The following PIGN variants were observed in gnomAD, a reference collection of about 807,000 sequenced individuals.
PIGN encodes the protein GPI ethanolamine phosphate transferase 1.
PIGN carries 117 observed loss-of-function variants against 125.4 expected under a neutral mutation model. The observed-to-expected ratio is 0.93, with a 90% CI of 0.80 to 1.09. The LOEUF (loss-of-function observed/expected upper bound fraction) is 1.09, where lower values mean the gene tolerates loss of function less well. Among genes scored for constraint, PIGN ranks in the 50% least tolerant of loss-of-function variants. PIGN has a pLI of 0.00. For missense variants in PIGN, 1,075 were observed against 1,094.9 expected (o/e 0.98, Z 0.26); for synonymous variants, 392 against 377.8 (o/e 1.04, Z -0.44).
At chr18:62,026,627 G>T (rs914423009) in intron 23 of PIGN, among the ~76,000 whole-genome samples, 1 of 152,204 alleles carries the variant, frequency 6.6e-6, no homozygotes. Flanking sequence ...TATAAAGTTT[G>T]ATATCTGTTA....
At position 62,161,092 on chromosome 18, in the gene PIGN, A is replaced by G. The variant is rs772340140; in HGVS notation, c.221+41T>C. On this transcript the variant is annotated intron_variant, in intron 4 of 30. Coordinates refer to ENST00000640252, the MANE Select transcript of PIGN (RefSeq NM_176787.5). ...TTTTGCAGTTTACTTAACTCAGAAT[A>G]ACATTTTAAGAGATGTCTCTGTATC... 4 of 1,332,592 alleles carry G rather than the reference A, an allele frequency of 3.0e-6. No homozygotes were observed. The African/African-American group carries it at 5.8e-5, about 19-fold the overall frequency. The allele number at this position is 1,332,592 out of a possible 1,614,324, so 82.5% of individuals were successfully genotyped here. A position where few individuals can be genotyped will look rare whatever the true frequency, so the allele number is the denominator to read the frequency against.
chr18:62,153,802 A>G (rs966111053), intron 7 of PIGN: 2 of 152,200 alleles, frequency 1.3e-5, no homozygotes, highest in African/African-American at 4.8e-5. Context: ...ACAAACAAAA[A>G]TGGCTATATC....
At chr18:62,103,362 T>C (rs2034519887) in intron 20 of PIGN, among the ~76,000 whole-genome samples, 1 of 149,684 alleles carries the variant, frequency 6.7e-6, no homozygotes, top group Non-Finnish European at 1.5e-5. Flanking sequence ...ACCCACATTA[T>C]TTCTAGCAGG....
At chr18:62,091,595 T>C (rs533064648) in intron 23 of PIGN, among the ~76,000 whole-genome samples, 33 of 152,314 alleles carry the variant, frequency 2.2e-4, no homozygotes, top group Non-Finnish European at 1.2e-4. Context: ...GAAAACAACC[T>C]ACATGTCCAC....
intron 23 of PIGN, among the ~76,000 whole-genome samples, chr18:62,028,104 G>A (rs1318868979): frequency 6.6e-6 from 1 of 152,168 alleles, no homozygotes; most frequent in Admixed American, 6.5e-5. Flanking sequence ...ATACCCTGCC[G>A]AATGGAGGGC....
chr18:62,023,212 T>C (rs901852887), intron 23 of PIGN, among the ~76,000 whole-genome samples: 2 of 152,142 alleles, frequency 1.3e-5, no homozygotes, highest in Admixed American at 1.3e-4. Context: ...AGAAATCCCA[T>C]ACCCATTAGC....
In PIGN at chr18:62,042,353, T is replaced by C. The variant is rs1299415031; in HGVS notation, c.*3503A>G. ...AAAGAAAGAAAGAAAAAAGAAACTA[T>C]TTTTATTATGACATTTATTTGTATT... On this transcript the variant is annotated 3_prime_UTR_variant, in exon 31 of 31. Coordinates refer to ENST00000640252, the MANE Select transcript of PIGN (RefSeq NM_176787.5). 1 of 152,134 alleles carries C rather than the reference T, an allele frequency of 6.6e-6. No homozygotes were observed. The highest frequency in any genetic ancestry group is 1.5e-5 in the Non-Finnish European group (1 of 68,014). 9.4% of individuals were successfully genotyped at this position (152,134 alleles called of 1,614,324 possible).
In PIGN at chr18:62,173,833, T is replaced by C. The variant is rs531219771; in HGVS notation, c.-235-10177A>G. ...CAATTCAACCACCTAATTAATTCTC[T>C]CCCTTCATCCTTTCCAATTGGAACA... On this transcript the variant is annotated intron_variant, in intron 1 of 30. Transcript: ENST00000640252. 1.2e-4 allele frequency among the ~76,000 whole-genome samples: 18 copies of C among 152,276 alleles called. No individual in the cohort carries two copies. In the East Asian group the frequency reaches 3.5e-3, roughly 29 times the overall value.
intron 30 of PIGN, chr18:62,058,693 ACTTAT>A (rs1470587740): frequency 1.3e-5 from 2 of 152,194 alleles, no homozygotes; most frequent in African/African-American, 2.4e-5. Flanking sequence ...ATTATGAATG[ACTTAT>A]CTTTTCTTAA....
chr18:62,049,621 T>A (rs956396599), intron 30 of PIGN, among the ~76,000 whole-genome samples: 1 of 147,848 alleles, frequency 6.8e-6, no homozygotes, highest in African/African-American at 2.4e-5. Flanking sequence ...ATGAGTAGGT[T>A]GCGAAAATTT....
intron 30 of PIGN, among the ~76,000 whole-genome samples, chr18:62,060,857 G>A (rs540124312): frequency 6.6e-6 from 1 of 152,210 alleles, no homozygotes; most frequent in South Asian, 2.1e-4. Context: ...TTTTAAAAAT[G>A]TACTTTCAGT....
chr18:62,057,879 G>C (rs78321515), intron 30 of PIGN, among the ~76,000 whole-genome samples: 1 of 152,172 alleles, frequency 6.6e-6, no homozygotes, highest in East Asian at 1.9e-4. Context: ...ACAGGGAAAA[G>C]ATACTTTGCT....
chr18:62,021,335 T>C (rs911965629), intron 23 of PIGN, among the ~76,000 whole-genome samples: 1 of 152,220 alleles, frequency 6.6e-6, no homozygotes, highest in Non-Finnish European at 1.5e-5. Context: ...GAGATTTTAT[T>C]CTGCTAGCAA....
chr18:62,113,183 A>T lies in PIGN; in HGVS notation c.1385T>A (p.Ile462Asn). The T allele has an allele frequency of 6.2e-7, 1 of 1,612,640 alleles. No homozygotes were observed. Among genetic ancestry groups the T allele is most frequent in the Non-Finnish European group, 8.5e-7 (1 of 1,179,200 alleles). ...VGWISYASLL[I>N]IKSHSNLIKG... ...TATAAGGTTGGAATGAGACTTGATG[A>T]TCAACAAAGAGGCATAAGATATCCA... Residue 462 changes from isoleucine to asparagine, a missense_variant, in exon 16 of 31, where the codon ATC (isoleucine) becomes AAC (asparagine). By Grantham distance (149) the Ile-to-Asn change is moderately radical (BLOSUM62 -3). This residue lies in a region of PIGN where 915 missense variants were observed against 908.7 expected (regional missense o/e 1.01). Coordinates refer to ENST00000640252, the MANE Select transcript of PIGN (RefSeq NM_176787.5).
intron 23 of PIGN, among the ~76,000 whole-genome samples, chr18:62,022,533 C>T (rs1395163854): frequency 1.3e-5 from 2 of 152,066 alleles, no homozygotes; most frequent in Admixed American, 6.6e-5. Flanking sequence ...CATGGTAGTG[C>T]AGGACTATAA....
intron 7 of PIGN, chr18:62,154,134 T>C: frequency 5.2e-6 from 1 of 191,240 alleles, no homozygotes; most frequent in Non-Finnish European, 1.1e-5. Flanking sequence ...AATTTTTCTT[T>C]AAAGTATTTT....
At chr18:62,055,503 G>A (rs1394850943) in intron 30 of PIGN, among the ~76,000 whole-genome samples, 1 of 152,146 alleles carries the variant, frequency 6.6e-6, no homozygotes, top group African/African-American at 2.4e-5. Context: ...TTCTGGGTGG[G>A]AGGGAAGTGC....
chr18:62,018,247 G>A (rs983989635), intron 23 of PIGN, among the ~76,000 whole-genome samples: 5 of 152,212 alleles, frequency 3.3e-5, no homozygotes, highest in Non-Finnish European at 7.3e-5. Flanking sequence ...AGCTGCTCTG[G>A]TAGAGCTGGG....
intron 10 of PIGN, among the ~76,000 whole-genome samples, chr18:62,144,207 A>G (rs2036238467): frequency 6.6e-6 from 1 of 152,208 alleles, no homozygotes; most frequent in South Asian, 2.1e-4. Context: ...CATGAAATCA[A>G]ATGCCAAAAT....
Sources: allele counts gnomAD v4.1 joint callset (sites outside exome capture counted in the v4.1 genomes callset), GRCh38; gene constraint gnomAD v4.1.1; regional missense constraint gnomAD v4.1.1; transcripts MANE v1.5; gene names NCBI Gene and HGNC (gene_info 2026-07-23, HGNC 2026-07-21).